Variants in DHX8 observed in about 807,000 individuals in gnomAD.
DHX8 encodes the protein ATP-dependent RNA helicase DHX8.
DHX8 carries 67 observed loss-of-function variants against 140.7 expected under a neutral mutation model. That is an observed-to-expected ratio of 0.48 (90% CI 0.39 to 0.58). The LOEUF (loss-of-function observed/expected upper bound fraction) is 0.58. Ranked by LOEUF, DHX8 falls within the 20% of genes least tolerant of loss-of-function variation. DHX8 has a pLI of 0.00. For missense variants in DHX8, 887 were observed against 1,550.7 expected, an observed-to-expected ratio of 0.57 and a Z score of 7.19; for synonymous variants, 533 against 553.2, an observed-to-expected ratio of 0.96 and a Z score of 0.51.
At chr17:43,518,034 T>G (rs1267651025) in intron 18 of DHX8, 1 of 152,192 alleles carries the variant, frequency 6.6e-6, no homozygotes, top group Non-Finnish European at 1.5e-5. Flanking sequence ...ATCTGTGGCT[T>G]GGACTTCAGC....
chr17:43,501,212 A>T (rs938628997), intron 11 of DHX8, among the ~76,000 whole-genome samples: 2 of 152,130 alleles, frequency 1.3e-5, no homozygotes, highest in Non-Finnish European at 2.9e-5. Context: ...TCCCTGGGGA[A>T]ATCGAGACCC....
chr17:43,543,828 G>A (rs1971653169), intron 3 of DHX8: 1 of 152,136 alleles, frequency 6.6e-6, no homozygotes, highest in Non-Finnish European at 1.5e-5. Flanking sequence ...ATGCTAAATA[G>A]TCATTCTGTC....
chr17:43,526,779 A>AT (rs1210305394), downstream of DHX8: 4 of 1,117,452 alleles, frequency 3.6e-6, no homozygotes, highest in Admixed American at 1.3e-4. Context: ...ATTAAATTAT[A>AT]TATTTTTAAA....
chr17:43,529,369 G>T, downstream of DHX8: 1 of 1,398,344 alleles, frequency 7.2e-7, no homozygotes, highest in Non-Finnish European at 1.0e-6. Flanking sequence ...TCAGCCCACA[G>T]ACTTAGGCTT....
chr17:43,494,011 C>T, intron 8 of DHX8, 125 bp downstream of exon 8: 2 of 887,118 alleles, frequency 2.3e-6, no homozygotes, highest in Non-Finnish European at 1.7e-6. Flanking sequence ...TTTTCACACT[C>T]CTGATAAAGA....
intron 11 of DHX8, among the ~76,000 whole-genome samples, chr17:43,502,645 G>C (rs550235600): frequency 7.9e-5 from 12 of 152,054 alleles, no homozygotes; most frequent in Non-Finnish European, 5.9e-5. Flanking sequence ...GGCTGGTCTC[G>C]AACTTCTGAC....
chr17:43,484,042 C>G lies in DHX8; in HGVS notation c.5C>G (p.Ala2Gly). The G allele has an allele frequency of 6.2e-7, 1 of 1,614,026 alleles. No homozygotes were observed. The highest frequency in any genetic ancestry group is 8.5e-7 in the Non-Finnish European group (1 of 1,179,918). Residue 2 changes from alanine (A) to glycine (G), a missense_variant, in exon 1 of 23, where the codon GCT becomes GGT. Physicochemically the swap from Ala to Gly is moderately conservative, Grantham distance 60 (BLOSUM62 0). Coordinates refer to ENST00000262415, the MANE Select transcript of DHX8 (RefSeq NM_004941.3). M[A>G]VAVAMAGALI... The stretch of plus-strand genomic sequence containing the variant: ...GGTTCTGGGCAAGCTATAGCCATGG[C>G]TGTGGCTGTAGCCATGGCGGGAGCC...
At chr17:43,521,117 C>T (rs539686854) in intron 20 of DHX8, among the ~76,000 whole-genome samples, 223 of 151,934 alleles carry the variant, frequency 1.5e-3, no homozygotes, top group Non-Finnish European at 2.7e-3. Context: ...CGTGCGCCAC[C>T]GTGTGCTGCT....
At chr17:43,493,327 A>C in intron 6 of DHX8, 118 bp from the exon 7 acceptor site, 1 of 1,389,614 alleles carries the variant, frequency 7.2e-7, no homozygotes, top group Non-Finnish European at 9.7e-7. Context: ...GACCACCTTC[A>C]TGGTACTTTT....
chr17:43,521,894 T>C (rs1970390366), intron 21 of DHX8, among the ~76,000 whole-genome samples, 153 bp from the exon 22 acceptor site: 1 of 152,180 alleles, frequency 6.6e-6, no homozygotes, highest in Admixed American at 6.5e-5. Flanking sequence ...GTCTGCCCAC[T>C]GTGTAGAGCT....
chr17:43,518,274 AAGAAAT>A (rs1660346649), intron 18 of DHX8: 2 of 152,244 alleles, frequency 1.3e-5, no homozygotes, highest in Admixed American at 6.5e-5. Context: ...CTTTATGAGA[AAGAAAT>A]AGAAAGCTTA....
chr17:43,493,181 T>G (rs1368420206), intron 6 of DHX8, 141 bp downstream of exon 6: 2 of 1,245,034 alleles, frequency 1.6e-6, no homozygotes, highest in African/African-American at 3.0e-5. Context: ...AAATTGACTC[T>G]TTTGAAATGT....
At chr17:43,532,577 T>C (rs1311915717) in intron 2 of DHX8, 6 of 1,145,714 alleles carry the variant, frequency 5.2e-6, no homozygotes, top group South Asian at 3.1e-5. Flanking sequence ...GTTGGATGTA[T>C]GAAATGGTAA....
chr17:43,484,291 A>C, intron 1 of DHX8, 106 bp downstream of exon 1: 2 of 1,319,690 alleles, frequency 1.5e-6, no homozygotes, highest in South Asian at 1.3e-5. Context: ...TGTTCGTGTG[A>C]ATCTGTCTCT....
chr17:43,530,372 A>T, downstream of DHX8: 1 of 1,442,218 alleles, frequency 6.9e-7, no homozygotes. Context: ...TGATGCTGGA[A>T]CCCCTCCTCA....
chr17:43,540,140 G>A (rs929753158), intron 3 of DHX8, among the ~76,000 whole-genome samples: 11 of 152,240 alleles, frequency 7.2e-5, no homozygotes, highest in African/African-American at 2.4e-4. Flanking sequence ...TGATTCAAGA[G>A]TCACCAGGAC....
At chr17:43,528,736 C>G (rs1258214040), downstream of DHX8, 3 of 1,613,970 alleles carry the variant, frequency 1.9e-6, no homozygotes, top group Non-Finnish European at 2.5e-6. Context: ...GTAACGCTCA[C>G]CAGCCACCTA....
Position 43,504,625 on chromosome 17 carries a change from T to G in DHX8, c.1547-19T>G. 1 of 1,601,444 alleles carries G rather than the reference T, an allele frequency of 6.2e-7. No individual in the cohort carries two copies. The highest frequency in any genetic ancestry group is 8.5e-7 in the Non-Finnish European group (1 of 1,174,520). On this transcript the variant is annotated intron_variant, in intron 11 of 22. Coordinates refer to ENST00000262415, the MANE Select transcript of DHX8 (RefSeq NM_004941.3). Reference sequence around the variant, plus strand: ...AGGTAGCTTGAGGACAATACTAAGTTGCCTGTTTTCCTTTCCAGCGGAAGG... The same window carrying G: ...AGGTAGCTTGAGGACAATACTAAGTGGCCTGTTTTCCTTTCCAGCGGAAGG...
intron 1 of DHX8, among the ~76,000 whole-genome samples, chr17:43,487,604 A>G (rs1021934357): frequency 6.6e-6 from 1 of 152,108 alleles, no homozygotes; most frequent in Non-Finnish European, 1.5e-5. Context: ...TCTGCCCACC[A>G]CAACCTCCCA....
Sources: gnomAD v4.1 joint callset for allele counts (sites outside exome capture counted in the v4.1 genomes callset) on GRCh38, gnomAD v4.1.1 for gene constraint, MANE v1.5 for transcripts, NCBI Gene and HGNC (gene_info 2026-07-23, HGNC 2026-07-21) for gene names.